The following CSTF3 variants were observed in gnomAD, a reference collection of about 807,000 sequenced individuals.
CSTF3 encodes cleavage stimulation factor subunit 3.
In CSTF3, 29 loss-of-function variants were observed where a neutral mutation model predicts 105.8. The observed-to-expected ratio is 0.27, with a 90% CI of 0.20 to 0.37. The LOEUF (loss-of-function observed/expected upper bound fraction) is 0.37. Ranked by LOEUF, CSTF3 falls within the 10% of genes least tolerant of loss-of-function variation. The pLI, the probability that CSTF3 is intolerant of heterozygous loss-of-function variation, is 1.00. For synonymous variants in CSTF3, 252 were observed against 281.9 expected, an observed-to-expected ratio of 0.89 and a Z score of 1.06; for missense variants, 357 against 879.3, an observed-to-expected ratio of 0.41 and a Z score of 7.51.
rs1408050209 is a variant in CSTF3 at position 33,154,487 on chromosome 11, C to CTTTT, written c.27+6811_27+6812insAAAA. Among the ~76,000 whole-genome samples, 13 of 30,634 alleles carry CTTTT rather than the reference C, an allele frequency of 4.2e-4. 3 individuals are homozygous for CTTTT. The highest frequency in any genetic ancestry group is 6.7e-4 in the Non-Finnish European group (7 of 10,444). 20.1% of individuals were successfully genotyped at this position (30,634 alleles called of 152,430 possible). On this transcript the variant is annotated intron_variant, in intron 1 of 20. Transcript: ENST00000323959. ...TAGACCGGAGTAGCACTCCGTAAGACTTTCTTTTTTTTTTTTTTTTTTTTT... is the reference window on the plus strand; with the variant it reads ...TAGACCGGAGTAGCACTCCGTAAGACTTTTTTTCTTTTTTTTTTTTTTTTTTTTT...
chr11:33,161,237 C>G, intron 1 of CSTF3, 62 bp downstream of exon 1: 1 of 1,586,812 alleles, frequency 6.3e-7, no homozygotes, highest in South Asian at 1.1e-5. Context: ...ATGTCTGGAG[C>G]AGTCGGAGGA....
intron 1 of CSTF3, among the ~76,000 whole-genome samples, chr11:33,154,407 T>C (rs1226414795): frequency 2.0e-5 from 3 of 151,840 alleles, no homozygotes; most frequent in Admixed American, 6.6e-5. Flanking sequence ...GAATATACTA[T>C]ATATTTGAAG....
chr11:33,106,798 A>T (rs1368522201), intron 5 of CSTF3, among the ~76,000 whole-genome samples: 1 of 152,220 alleles, frequency 6.6e-6, no homozygotes, highest in Non-Finnish European at 1.5e-5. Context: ...TTTAAGTTGC[A>T]TAATTCTATA....
chr11:33,147,363 G>A (rs1366239946), intron 1 of CSTF3, among the ~76,000 whole-genome samples: 1 of 151,844 alleles, frequency 6.6e-6, no homozygotes, highest in Admixed American at 6.6e-5. Flanking sequence ...TTGGGAGCCC[G>A]AGGTGGGCAG....
intron 1 of CSTF3, among the ~76,000 whole-genome samples, chr11:33,147,779 G>C (rs139996066): frequency 6.6e-6 from 1 of 152,088 alleles, no homozygotes. Flanking sequence ...AATGCCAGGG[G>C]ATGGGATAGA....
At chr11:33,098,518 G>A (rs185112396) in intron 13 of CSTF3, among the ~76,000 whole-genome samples, 172 bp downstream of exon 13, 33 of 152,220 alleles carry the variant, frequency 2.2e-4, no homozygotes, top group Admixed American at 1.6e-3. Context: ...TTTGGAGGAT[G>A]GTGGAGGTGT....
Position 33,161,199 on chromosome 11 carries a change from C to CT in CSTF3, c.27+99dup, listed in dbSNP as rs1849937483. The CT allele has an allele frequency of 2.2e-6, 3 of 1,345,812 alleles. No homozygotes were observed. The Admixed American group carries it at 5.3e-5, about 24-fold the overall frequency. 83.4% of individuals were successfully genotyped at this position (1,345,812 alleles called of 1,614,324 possible). On this transcript the variant is annotated intron_variant, in intron 1 of 20. Transcript: ENST00000323959. ...CTATATACCCTGTCCCCCGGGTTCA[C>CT]TAGACCCAATTCCTTCCTCAGCCGA...
intron 1 of CSTF3, among the ~76,000 whole-genome samples, chr11:33,147,596 T>A (rs1301912589): frequency 2.0e-5 from 3 of 151,922 alleles, no homozygotes; most frequent in Admixed American, 1.3e-4. Context: ...AAAGAAATTT[T>A]ACGTAAACTA....
rs1360886295 is a variant in CSTF3, at chr11:33,161,449, A to G, written c.-124T>C. 1 of 907,922 alleles carries G rather than the reference A, an allele frequency of 1.1e-6. No homozygotes were observed. The highest frequency in any genetic ancestry group is 2.6e-5 in the East Asian group (1 of 38,900). 56.2% of individuals were successfully genotyped at this position (907,922 alleles called of 1,614,324 possible). On this transcript the variant is annotated 5_prime_UTR_variant, in exon 1 of 21. Transcript: ENST00000323959. ...TGCCCAGCTGAGCCAGACCGCCAAC[A>G]CCAATCGCCACCGCCCACTCAAATA...
intron 1 of CSTF3, among the ~76,000 whole-genome samples, chr11:33,145,171 C>A (rs2133801843): frequency 6.6e-6 from 1 of 152,272 alleles, no homozygotes; most frequent in South Asian, 2.1e-4. Flanking sequence ...AGAGGCTCAA[C>A]CTGCAATCTC....
intron 13 of CSTF3, among the ~76,000 whole-genome samples, chr11:33,098,394 AT>A (rs1855246502): frequency 6.6e-6 from 1 of 152,204 alleles, no homozygotes; most frequent in Admixed American, 6.5e-5. Flanking sequence ...CTCTGTATCT[AT>A]TTTATACTGC....
rs12276773 is a variant in CSTF3 at position 33,092,156 on chromosome 11, G to A, written c.1445+115C>T. ...TGATAGGTAAAATAAAACTTGAGAA[G>A]GAAAGGAAATTTCTCTTGAAACTCA... On this transcript the variant is annotated intron_variant, in intron 16 of 20. Transcript: ENST00000323959. The A allele has an allele frequency of 0.02, 12,976 of 638,844 alleles. 1,341 individuals carry two copies. The African/African-American group carries it at 0.22, about 11-fold the overall frequency. The allele number at this position is 638,844 out of a possible 1,614,324, so 39.6% of individuals were successfully genotyped here. A position where few individuals can be genotyped will look rare whatever the true frequency, so the allele number is the denominator to read the frequency against.
chr11:33,145,930 A>C (rs1250423515), intron 1 of CSTF3, among the ~76,000 whole-genome samples: 1 of 152,138 alleles, frequency 6.6e-6, no homozygotes, highest in Non-Finnish European at 1.5e-5. Context: ...ATTGTTAGCA[A>C]GGGCAAGTAG....
chr11:33,150,660 C>T (rs1460575368), intron 1 of CSTF3, among the ~76,000 whole-genome samples: 1 of 152,014 alleles, frequency 6.6e-6, no homozygotes, highest in African/African-American at 2.4e-5. Context: ...AGTTGGAGAC[C>T]AGCCTGGCAA....
chr11:33,084,942 T>C lies in CSTF3; in HGVS notation c.*145A>G, dbSNP rs1387094525. The C allele has an allele frequency of 1.1e-6, 1 of 877,152 alleles. No individual in the cohort carries two copies. The highest frequency in any genetic ancestry group is 1.5e-5 in the South Asian group (1 of 64,742). The allele number at this position is 877,152 out of a possible 1,614,324, so 54.3% of individuals were successfully genotyped here. On this transcript the variant is annotated 3_prime_UTR_variant, in exon 21 of 21. Transcript: ENST00000323959. ...AAATTCACACAGGTTGGTTTGTTTT[T>C]TCTCAAGAACCATGTGATAGAGGCA...
chr11:33,150,821 A>C (rs1855850860), intron 1 of CSTF3, among the ~76,000 whole-genome samples: 1 of 151,696 alleles, frequency 6.6e-6, no homozygotes, highest in African/African-American at 2.4e-5. Context: ...ACACCACTGC[A>C]TTCCAGCCTG....
intron 1 of CSTF3, among the ~76,000 whole-genome samples, chr11:33,143,691 TGTGA>T (rs1396577940): frequency 1.3e-5 from 2 of 152,040 alleles, no homozygotes; most frequent in African/African-American, 2.4e-5. Flanking sequence ...CAGAGGTTAC[TGTGA>T]GTGAGATTGC....
At chr11:33,105,545 C>CAACT in intron 8 of CSTF3, 22 bp downstream of exon 8, 1 of 1,591,510 alleles carries the variant, frequency 6.3e-7, no homozygotes, top group Non-Finnish European at 8.5e-7. Context: ...TTATAATAAA[C>CAACT]AACTACTCTG....
At chr11:33,102,979 C>G in intron 9 of CSTF3, 128 bp downstream of exon 9, 1 of 617,364 alleles carries the variant, frequency 1.6e-6, no homozygotes. Flanking sequence ...TCTCCTCAGA[C>G]TTTGCAATTA....
Sources: gnomAD v4.1 joint callset for allele counts (sites outside exome capture counted in the v4.1 genomes callset) on GRCh38, gnomAD v4.1.1 for gene constraint, MANE v1.5 for transcripts, NCBI Gene and HGNC (gene_info 2026-07-23, HGNC 2026-07-21) for gene names.